PSEN1: variants seen among roughly 807,000 people sequenced by gnomAD.
PSEN1 encodes the protein presenilin 1.
In PSEN1, 15 loss-of-function variants were observed where a neutral mutation model predicts 53.5. That is an observed-to-expected ratio of 0.28 (90% confidence interval 0.19 to 0.43). The LOEUF (loss-of-function observed/expected upper bound fraction) is 0.43. PSEN1 is among the 20% of genes least tolerant of loss of function. The pLI is 1.00. For missense variants in PSEN1, 387 were observed against 571.2 expected (o/e 0.68, Z 3.29); for synonymous variants, 208 against 209.8 (o/e 0.99, Z 0.08).
intron 5 of PSEN1, among the ~76,000 whole-genome samples, chr14:73,178,853 C>T (rs1898121239): frequency 6.6e-6 from 1 of 152,244 alleles, no homozygotes; most frequent in Admixed American, 6.5e-5. Context: ...TCCAGCCAGC[C>T]TTGTCAAAGC....
chr14:73,194,629 C>T (rs556289551), intron 7 of PSEN1, among the ~76,000 whole-genome samples: 4 of 145,272 alleles, frequency 2.8e-5, no homozygotes, highest in East Asian at 2.0e-4. Context: ...AGTGCAGTGG[C>T]GTGATCTTGG....
chr14:73,217,166 T>G lies in PSEN1; in HGVS notation c.1170T>G (p.Ser390Arg). ...GATTGGGAGATTTCATTTTCTACAGTGTTCTGGTTGGTAAAGCCTCAGCAA... is the reference window on the plus strand; with the variant it reads ...GATTGGGAGATTTCATTTTCTACAGGGTTCTGGTTGGTAAAGCCTCAGCAA... ...KLGLGDFIFY[S>R]VLVGKASATA... The change falls in exon 11 of 12, where the codon AGT (serine) becomes AGG (arginine). Residue 390 changes from serine to arginine, a missense_variant. By Grantham distance (110) the Ser-to-Arg change is moderately radical (BLOSUM62 -1). This residue lies in a region of PSEN1 where 44 missense variants were observed against 106.3 expected (regional missense o/e 0.41). Coordinates refer to ENST00000324501, the MANE Select transcript of PSEN1 (RefSeq NM_000021.4). 6.2e-7 allele frequency: 1 copy of G among 1,613,900 alleles called. No homozygotes were observed. Among genetic ancestry groups the G allele is most frequent in the Non-Finnish European group, 8.5e-7 (1 of 1,179,770 alleles).
chr14:73,183,521 A>T (rs536235404), intron 5 of PSEN1, among the ~76,000 whole-genome samples: 1 of 152,312 alleles, frequency 6.6e-6, no homozygotes, highest in South Asian at 2.1e-4. Flanking sequence ...GCTGCCTTCA[A>T]GCATCTGTTT....
chr14:73,160,694 G>A (rs1480988640), intron 3 of PSEN1, among the ~76,000 whole-genome samples: 1 of 150,568 alleles, frequency 6.6e-6, no homozygotes, highest in African/African-American at 2.4e-5. Context: ...ATCTTTTCAT[G>A]TGCTTGTTGG....
intron 4 of PSEN1, among the ~76,000 whole-genome samples, chr14:73,172,344 G>A (rs1216120220): frequency 6.6e-6 from 1 of 152,224 alleles, no homozygotes; most frequent in Non-Finnish European, 1.5e-5. Context: ...TTTTGGGAGA[G>A]CATCTAAGAC....
At chr14:73,188,227 C>G (rs1440678093) in intron 6 of PSEN1, among the ~76,000 whole-genome samples, 1 of 152,170 alleles carries the variant, frequency 6.6e-6, no homozygotes, top group Non-Finnish European at 1.5e-5. Flanking sequence ...CGCACCCTGC[C>G]ATAATAATAC....
At chr14:73,204,805 G>C (rs12433115) in intron 8 of PSEN1, among the ~76,000 whole-genome samples, 1 of 152,128 alleles carries the variant, frequency 6.6e-6, no homozygotes, top group Middle Eastern at 3.2e-3. Context: ...GGGAGGCTGA[G>C]GCGGGAGGAT....
chr14:73,209,481 C>G (rs999803842), intron 9 of PSEN1, among the ~76,000 whole-genome samples: 2 of 152,210 alleles, frequency 1.3e-5, no homozygotes, highest in African/African-American at 4.8e-5. Flanking sequence ...GTGAGTGATA[C>G]AACAGAATTT....
chr14:73,212,307 C>T (rs1405262429), intron 10 of PSEN1, among the ~76,000 whole-genome samples: 2 of 151,572 alleles, frequency 1.3e-5, no homozygotes, highest in South Asian at 2.1e-4. Flanking sequence ...GATGGGGTTT[C>T]ACCATCTTGG....
intron 6 of PSEN1, 143 bp from the exon 7 acceptor site, chr14:73,192,501 A>G: frequency 1.5e-6 from 1 of 683,160 alleles, no homozygotes; most frequent in South Asian, 1.7e-5. Context: ...TTAAATAAAT[A>G]ATAGCACAGT....
At chr14:73,195,824 T>C (rs993181933) in intron 7 of PSEN1, among the ~76,000 whole-genome samples, 4 of 152,330 alleles carry the variant, frequency 2.6e-5, no homozygotes, top group East Asian at 1.9e-4. Flanking sequence ...CCCAGTGTTA[T>C]ATTTTTGTAT....
At chr14:73,205,120 C>T (rs1899398471) in intron 8 of PSEN1, among the ~76,000 whole-genome samples, 1 of 152,118 alleles carries the variant, frequency 6.6e-6, no homozygotes, top group African/African-American at 2.4e-5. Context: ...GTATTAGAAA[C>T]ATGGATAAAA....
intron 9 of PSEN1, chr14:73,208,890 T>C (rs1176658304): frequency 2.2e-6 from 1 of 455,118 alleles, no homozygotes; most frequent in Non-Finnish European, 4.4e-6. Context: ...AGGCTGTTCA[T>C]GCCAAAGGGT....
At chr14:73,151,424 A>G (rs1897220707) in intron 3 of PSEN1, among the ~76,000 whole-genome samples, 1 of 152,196 alleles carries the variant, frequency 6.6e-6, no homozygotes, top group Non-Finnish European at 1.5e-5. Context: ...CAAAGTGTAT[A>G]TTGCAGGCCA....
At chr14:73,203,706 C>T (rs911367761) in intron 8 of PSEN1, among the ~76,000 whole-genome samples, 1 of 152,172 alleles carries the variant, frequency 6.6e-6, no homozygotes, top group Non-Finnish European at 1.5e-5. Context: ...TACACCTACT[C>T]TTTGAGCTAA....
rs186756046 is a variant in PSEN1, at chr14:73,152,163, C to G, written c.87+4057C>G. On this transcript the variant is annotated intron_variant, in intron 3 of 11. Coordinates refer to ENST00000324501, the MANE Select transcript of PSEN1 (RefSeq NM_000021.4). ...TCCTGACCTCGTGATTCGCCCGTCT[C>G]GGCCTCCCAAAGTTTTTTTATATTT... Among the ~76,000 whole-genome samples the G allele has an allele frequency of 4.8e-3, 705 of 148,376 alleles. 2 individuals are homozygous for G. Among genetic ancestry groups the G allele is most frequent in the Non-Finnish European group, 7.9e-3 (528 of 67,240 alleles).
intron 5 of PSEN1, 128 bp from the exon 6 acceptor site, chr14:73,186,725 T>C: frequency 1.3e-6 from 1 of 791,694 alleles, no homozygotes; most frequent in East Asian, 2.5e-5. Context: ...TGTGGTGAGC[T>C]GAGATCGTGC....
At chr14:73,174,206 A>G (rs1174763164) in intron 5 of PSEN1, 1 of 179,154 alleles carries the variant, frequency 5.6e-6, no homozygotes, top group East Asian at 1.6e-4. Flanking sequence ...TCCATATAAT[A>G]GCACAATCTA....
Position 73,223,095 on chromosome 14 carries a change from C to G in PSEN1, c.*3806C>G, listed in dbSNP as rs536165041. 6.6e-6 allele frequency: 1 copy of G among 152,350 alleles called. No homozygotes were observed. The highest frequency in any genetic ancestry group is 1.5e-5 in the Non-Finnish European group (1 of 68,046). 9.4% of individuals were successfully genotyped at this position (152,350 alleles called of 1,614,324 possible). ...CATAGTGCGTTGTGAAATGGCTGGC[C>G]AGAGTGTACCAACAAAGCTGTCATC... On this transcript the variant is annotated 3_prime_UTR_variant, in exon 12 of 12. Transcript: ENST00000324501.
Sources: allele counts gnomAD v4.1 joint callset (sites outside exome capture counted in the v4.1 genomes callset), GRCh38; gene constraint gnomAD v4.1.1; regional missense constraint gnomAD v4.1.1; transcripts MANE v1.5; gene names NCBI Gene and HGNC (gene_info 2026-07-23, HGNC 2026-07-21).